The following LAPTM5 variants were observed in gnomAD, a reference collection of about 807,000 sequenced individuals.
LAPTM5 encodes the protein lysosomal protein transmembrane 5.
LAPTM5 carries 11 observed loss-of-function variants against 30.1 expected under a neutral mutation model. The ratio of observed to expected loss-of-function variants is 0.37; its 90% CI spans 0.23 to 0.60. The LOEUF is 0.60. Among genes scored for constraint, LAPTM5 ranks in the 20% least tolerant of loss-of-function variants. The pLI, the probability that LAPTM5 is intolerant of heterozygous loss-of-function variation, is 0.71. For missense variants in LAPTM5, 324 were observed against 332.5 expected (o/e 0.97, Z 0.20); for synonymous variants, 151 against 137.9 (o/e 1.10, Z -0.67).
At chr1:30,751,476 C>T (rs1048158150) in intron 1 of LAPTM5, among the ~76,000 whole-genome samples, 6 of 152,244 alleles carry the variant, frequency 3.9e-5, no homozygotes, top group African/African-American at 9.6e-5. Context: ...CTATGGCCCA[C>T]GCCTATAATC....
In LAPTM5 at chr1:30,739,126, G is replaced by A. The variant is rs541052252; in HGVS notation, c.388-64C>T. ...GCAATTAAAGTCCCAGTTACTGAGC[G>A]GCACATAGTAGGCCCTCACTTGAGA... On this transcript the variant is annotated intron_variant, in intron 4 of 7. Transcript: ENST00000294507. The surrounding 1 kb of genome is among the most constrained non-coding windows in gnomAD (Gnocchi z 4.2). 1.5e-4 allele frequency: 235 copies of A among 1,539,250 alleles called. No homozygotes were observed. Among genetic ancestry groups the A allele is most frequent in the Non-Finnish European group, 1.9e-4 (213 of 1,139,268 alleles).
intron 1 of LAPTM5, among the ~76,000 whole-genome samples, chr1:30,748,456 T>C (rs1284059261): frequency 6.6e-6 from 1 of 151,966 alleles, no homozygotes; most frequent in African/African-American, 2.4e-5. Flanking sequence ...TCCCTGAAGC[T>C]CAGTCCCCTC....
At chr1:30,749,403 T>C (rs1557466724) in intron 1 of LAPTM5, among the ~76,000 whole-genome samples, 1 of 151,962 alleles carries the variant, frequency 6.6e-6, no homozygotes, top group Non-Finnish European at 1.5e-5. Context: ...TGGGTGGAGG[T>C]CACATGGGTG....
intron 1 of LAPTM5, among the ~76,000 whole-genome samples, chr1:30,753,837 A>G (rs2124201358): frequency 6.6e-6 from 1 of 152,370 alleles, no homozygotes; most frequent in Admixed American, 6.5e-5. Context: ...CGTTAGCAAT[A>G]GAGGAACTAG....
intron 1 of LAPTM5, among the ~76,000 whole-genome samples, chr1:30,749,222 TG>T (rs1182416159): frequency 6.6e-6 from 1 of 152,164 alleles, no homozygotes; most frequent in Non-Finnish European, 1.5e-5. Context: ...AACATAACGT[TG>T]GGAGAAAGAA....
At chr1:30,734,839 T>C (rs2124174356) in intron 7 of LAPTM5, among the ~76,000 whole-genome samples, 1 of 152,370 alleles carries the variant, frequency 6.6e-6, no homozygotes, top group Admixed American at 6.5e-5. Flanking sequence ...GTCCTTCCTC[T>C]GTGCTTATTG....
chr1:30,742,587 A>G (rs1639987262), intron 1 of LAPTM5, 38 bp from the exon 2 acceptor site: 2 of 1,554,598 alleles, frequency 1.3e-6, no homozygotes, highest in Non-Finnish European at 1.8e-6. Flanking sequence ...CTGAGCCTGC[A>G]TCACGGCCCC....
rs571954062 is a variant in LAPTM5, at chr1:30,734,550, T to C, written c.699+623A>G. Among the ~76,000 whole-genome samples, 9 of 152,362 alleles carry C rather than the reference T, an allele frequency of 5.9e-5. No individual in the cohort carries two copies. The South Asian group carries it at 1.9e-3, about 32-fold the overall frequency. ...ACCTACATTTGGCTGCTAAGTTCTG[T>C]GAGCTAGTAAATTCCTGAAGTCAGA... On this transcript the variant is annotated intron_variant, in intron 7 of 7. Coordinates refer to ENST00000294507, the MANE Select transcript of LAPTM5 (RefSeq NM_006762.3).
At position 30,739,727 on chromosome 1, in the gene LAPTM5, G is replaced by A; in HGVS notation, c.387+82C>T. On this transcript the variant is annotated intron_variant, in intron 4 of 7. Transcript: ENST00000294507. The surrounding 1 kb of genome is among the most constrained non-coding windows in gnomAD (Gnocchi z 4.2). ...TCCTACCCTCCCCAGCCTGAGCACAGGGCCCGTGTCTGGTCCCCTCCCATC... is the reference window on the plus strand; with the variant it reads ...TCCTACCCTCCCCAGCCTGAGCACAAGGCCCGTGTCTGGTCCCCTCCCATC... 1.4e-6 allele frequency: 2 copies of A among 1,453,514 alleles called. No homozygotes were observed. Among genetic ancestry groups the A allele is most frequent in the Non-Finnish European group, 1.8e-6 (2 of 1,092,488 alleles). The allele number at this position is 1,453,514 out of a possible 1,614,324, so 90.0% of individuals were successfully genotyped here. A position where few individuals can be genotyped will look rare whatever the true frequency, so the allele number is the denominator to read the frequency against.
rs761275022 is a variant in LAPTM5, at chr1:30,757,648, C to T, written c.87+11G>A. 5.6e-6 allele frequency: 9 copies of T among 1,612,478 alleles called. No homozygotes were observed. Among genetic ancestry groups the T allele is most frequent in the African/African-American group, 4.0e-5 (3 of 74,904 alleles). On this transcript the variant is annotated intron_variant, in intron 1 of 7. Transcript: ENST00000294507. ...CACGCACGCACACACACCCGGGGCCCGCACACTCACCACATGGTAGATGGC... is the reference window on the plus strand; with the variant it reads ...CACGCACGCACACACACCCGGGGCCTGCACACTCACCACATGGTAGATGGC...
At chr1:30,756,643 T>C (rs1225225472) in intron 1 of LAPTM5, among the ~76,000 whole-genome samples, 2 of 152,196 alleles carry the variant, frequency 1.3e-5, no homozygotes, top group African/African-American at 2.4e-5. Context: ...CCCTGAAGGC[T>C]GGGCTCTTGC....
intron 1 of LAPTM5, among the ~76,000 whole-genome samples, chr1:30,750,008 G>A (rs895254297): frequency 4.6e-5 from 7 of 152,138 alleles, no homozygotes; most frequent in East Asian, 1.9e-4. Context: ...ACCTAGACTC[G>A]GACGGCTCAG....
rs1410818004 is a variant in LAPTM5 at position 30,739,258 on chromosome 1, C to A, written c.388-196G>T. ...CTGGTGGCAGACCCAAGACTAGAAC[C>A]AAGGTCTCCAGACTCCCGGGCCAGG... On this transcript the variant is annotated intron_variant, in intron 4 of 7. Coordinates refer to ENST00000294507, the MANE Select transcript of LAPTM5 (RefSeq NM_006762.3). This position sits in a 1 kb window ranked among gnomAD's most constrained non-coding sequence, Gnocchi z 4.2. 5 of 629,758 alleles carry A rather than the reference C, an allele frequency of 7.9e-6. No homozygotes were observed. In the Admixed American group the frequency reaches 1.6e-4, roughly 20 times the overall value. The allele number at this position is 629,758 out of a possible 1,614,324, so 39.0% of individuals were successfully genotyped here.
At chr1:30,748,135 C>T (rs1325066027) in intron 1 of LAPTM5, among the ~76,000 whole-genome samples, 1 of 152,082 alleles carries the variant, frequency 6.6e-6, no homozygotes, top group East Asian at 1.9e-4. Context: ...CTGAGATTTT[C>T]AGGGAGGTAA....
At chr1:30,740,570 C>G (rs553147219) in intron 3 of LAPTM5, among the ~76,000 whole-genome samples, 3 of 152,170 alleles carry the variant, frequency 2.0e-5, no homozygotes, top group South Asian at 4.2e-4. Context: ...TTCATATGCT[C>G]TCACAGCTGG....
In LAPTM5 at chr1:30,737,658, G is replaced by A; in HGVS notation, c.552C>T (p.Phe184=). Reference sequence around the variant, plus strand: ...TGGAAAAGATGATCATCATCTTGATGAACTGGTTATGAGGCATATCCTCCT... The same window carrying A: ...TGGAAAAGATGATCATCATCTTGATAAACTGGTTATGAGGCATATCCTCCT... ...PSQEDMPHNQ[F]IKMMIIFSIA... is the part of the protein sequence containing the mutation. Residue 184 remains phenylalanine (F), a synonymous_variant, in exon 6 of 8, where the codon TTC becomes TTT. Coordinates refer to ENST00000294507, the MANE Select transcript of LAPTM5 (RefSeq NM_006762.3). 6.2e-7 allele frequency: 1 copy of A among 1,613,892 alleles called. No individual in the cohort carries two copies. Among genetic ancestry groups the A allele is most frequent in the Non-Finnish European group, 8.5e-7 (1 of 1,179,856 alleles).
In LAPTM5 at chr1:30,732,828, A is replaced by G. The variant is rs1290531939; in HGVS notation, c.*1000T>C. ...AGGGCTGAATTTTTGCTTGACCACA[A>G]GCCTCGGGCAGAACAGATTCGCCTA... On this transcript the variant is annotated 3_prime_UTR_variant, in exon 8 of 8. Coordinates refer to ENST00000294507, the MANE Select transcript of LAPTM5 (RefSeq NM_006762.3). 2 of 152,266 alleles carry G rather than the reference A, an allele frequency of 1.3e-5. No individual in the cohort carries two copies. The highest frequency in any genetic ancestry group is 2.9e-5 in the Non-Finnish European group (2 of 68,062). 9.4% of individuals were successfully genotyped at this position (152,266 alleles called of 1,614,324 possible).
chr1:30,753,813 C>T (rs929135953), intron 1 of LAPTM5, among the ~76,000 whole-genome samples: 1 of 152,216 alleles, frequency 6.6e-6, no homozygotes, highest in African/African-American at 2.4e-5. Flanking sequence ...AAACGCACCA[C>T]ACTAACGTTG....
chr1:30,743,299 T>TTGAA (rs150944541), intron 1 of LAPTM5, among the ~76,000 whole-genome samples: 1,590 of 152,184 alleles, frequency 0.01, 15 homozygotes, highest in African/African-American at 0.029. Context: ...GTTGTATTTG[T>TTGAA]TGAATGAATG....
Sources: allele counts gnomAD v4.1 joint callset (sites outside exome capture counted in the v4.1 genomes callset), GRCh38; gene constraint gnomAD v4.1.1; non-coding constraint Gnocchi (gnomAD v3.1); transcripts MANE v1.5; gene names NCBI Gene and HGNC (gene_info 2026-07-23, HGNC 2026-07-21).